SLC9C1: variants seen among roughly 807,000 people sequenced by gnomAD.
SLC9C1 encodes sodium/hydrogen exchanger 10.
In SLC9C1, 97 loss-of-function variants were observed where a neutral mutation model predicts 140.9. That is an observed-to-expected ratio of 0.69 (90% CI 0.58 to 0.82). The LOEUF is 0.82. Among genes scored for constraint, SLC9C1 ranks in the 40% least tolerant of loss-of-function variants. The probability of loss-of-function intolerance (pLI) is 0.00; values close to 1 mark genes in which losing one functional copy is unlikely to be tolerated. For synonymous variants in SLC9C1, 440 were observed against 442.6 expected (o/e 0.99, Z 0.07); for missense variants, 1,340 against 1,389.3 (o/e 0.96, Z 0.56).
chr3:112,171,260 C>G (rs749916405), intron 23 of SLC9C1, among the ~76,000 whole-genome samples: 2 of 151,956 alleles, frequency 1.3e-5, no homozygotes, highest in African/African-American at 2.4e-5. Context: ...AGTTGCTCCA[C>G]GTCCTTGCCA....
Position 112,285,721 on chromosome 3 carries a change from C to T in SLC9C1, c.88+983G>A, listed in dbSNP as rs559242963. On this transcript the variant is annotated intron_variant, in intron 2 of 28. Coordinates refer to ENST00000305815, the MANE Select transcript of SLC9C1 (RefSeq NM_183061.3). ...TAAATATGCACATCAAGTCTACAAACAGCTATATTTTTCCTTATGGTATTC... is the reference window on the plus strand; with the variant it reads ...TAAATATGCACATCAAGTCTACAAATAGCTATATTTTTCCTTATGGTATTC... Among the ~76,000 whole-genome samples, 7 of 152,234 alleles carry T rather than the reference C, an allele frequency of 4.6e-5. No individual in the cohort carries two copies. The South Asian group carries it at 1.2e-3, about 27-fold the overall frequency.
At chr3:112,174,256 C>T (rs1373421029) in intron 23 of SLC9C1, among the ~76,000 whole-genome samples, 2 of 152,224 alleles carry the variant, frequency 1.3e-5, no homozygotes, top group Non-Finnish European at 2.9e-5. Flanking sequence ...GGGGGCTCCA[C>T]CTCCATGAAA....
chr3:112,161,183 T>G (rs905346014), intron 26 of SLC9C1, among the ~76,000 whole-genome samples: 16 of 152,196 alleles, frequency 1.1e-4, no homozygotes, highest in Non-Finnish European at 1.9e-4. Flanking sequence ...CTTTGTCAGA[T>G]GAGTAGGTTG....
At position 112,151,957 on chromosome 3, in the gene SLC9C1, C is replaced by T; in HGVS notation, c.3424G>A (p.Ala1142Thr). Residue 1142 changes from alanine to threonine, a missense_variant, in exon 28 of 29, where the codon GCA becomes ACA. By Grantham distance (58) the Ala-to-Thr change is moderately conservative. Transcript: ENST00000305815. ...CTCCTGGCAGTGGCGGCACTGTGTG[C>T]TCCATCCTGGGATTCAAAACACTTT... ...QEERNVKEDG[A>T]HSAATARSPQ... 6.3e-7 allele frequency: 1 copy of T among 1,589,650 alleles called. No individual in the cohort carries two copies. Among genetic ancestry groups the T allele is most frequent in the Non-Finnish European group, 8.5e-7 (1 of 1,173,358 alleles).
chr3:112,165,937 C>T (rs916417739), intron 26 of SLC9C1, among the ~76,000 whole-genome samples: 6 of 152,208 alleles, frequency 3.9e-5, no homozygotes, highest in Non-Finnish European at 5.9e-5. Flanking sequence ...TCTTCCTGGC[C>T]GCTTTGTTTA....
chr3:112,264,624 G>A (rs995809933), intron 8 of SLC9C1, among the ~76,000 whole-genome samples: 8 of 151,966 alleles, frequency 5.3e-5, no homozygotes, highest in South Asian at 4.1e-4. Context: ...TTGCAGAATC[G>A]TGAGAATTTA....
intron 20 of SLC9C1, among the ~76,000 whole-genome samples, chr3:112,196,585 T>C (rs2077773089): frequency 6.6e-6 from 1 of 152,146 alleles, no homozygotes; most frequent in South Asian, 2.1e-4. Context: ...ATCTTTCTGT[T>C]CCTCAGACAT....
intron 26 of SLC9C1, among the ~76,000 whole-genome samples, chr3:112,163,447 G>A (rs1257812344): frequency 1.1e-4 from 16 of 149,952 alleles, no homozygotes; most frequent in East Asian, 2.0e-4. Context: ...CTTTGAATGC[G>A]TCCCAGAGAT....
At chr3:112,185,383 G>A in intron 20 of SLC9C1, 2 of 774,536 alleles carry the variant, frequency 2.6e-6, no homozygotes, top group East Asian at 2.7e-5. Flanking sequence ...TCATCGGCCT[G>A]CGATGGGGAT....
chr3:112,192,401 A>T (rs1168481362), intron 20 of SLC9C1, among the ~76,000 whole-genome samples: 1 of 152,190 alleles, frequency 6.6e-6, no homozygotes, highest in Non-Finnish European at 1.5e-5. Flanking sequence ...AGTCATCAAG[A>T]TTCATCTATA....
intron 10 of SLC9C1, among the ~76,000 whole-genome samples, chr3:112,255,203 A>C (rs572506665): frequency 6.6e-6 from 1 of 152,320 alleles, no homozygotes; most frequent in South Asian, 2.1e-4. Flanking sequence ...AAAGATATTC[A>C]GGATCTGAAC....
At chr3:112,182,089 G>A in intron 21 of SLC9C1, 44 bp downstream of exon 21, 1 of 1,278,618 alleles carries the variant, frequency 7.8e-7, no homozygotes, top group Non-Finnish European at 1.0e-6. Flanking sequence ...AAGATTATTT[G>A]TTAGTACATT....
At chr3:112,192,562 T>C (rs2077685876) in intron 20 of SLC9C1, among the ~76,000 whole-genome samples, 1 of 152,180 alleles carries the variant, frequency 6.6e-6, no homozygotes, top group Non-Finnish European at 1.5e-5. Flanking sequence ...TTTTGTTTTT[T>C]TCTTTCTTTT....
intron 7 of SLC9C1, among the ~76,000 whole-genome samples, chr3:112,268,682 G>A (rs938341035): frequency 1.3e-5 from 2 of 152,100 alleles, no homozygotes; most frequent in Non-Finnish European, 2.9e-5. Context: ...ATAAAATGTC[G>A]TGATTAATCT....
chr3:112,214,971 G>A (rs1206815146), intron 15 of SLC9C1, among the ~76,000 whole-genome samples: 4 of 152,152 alleles, frequency 2.6e-5, no homozygotes, highest in Admixed American at 2.6e-4. Context: ...TAAAATACTG[G>A]CAAACCGAAT....
intron 11 of SLC9C1, among the ~76,000 whole-genome samples, chr3:112,241,209 T>C (rs1217046824): frequency 6.6e-6 from 1 of 152,214 alleles, no homozygotes; most frequent in Admixed American, 6.5e-5. Flanking sequence ...AAAGGGTAAA[T>C]GCCTGAAGGG....
chr3:112,278,598 G>T, intron 4 of SLC9C1, 131 bp downstream of exon 4: 2 of 925,546 alleles, frequency 2.2e-6, no homozygotes, highest in Non-Finnish European at 3.0e-6. Context: ...AAATGATGAA[G>T]CTGAATTTAT....
chr3:112,184,935 C>T (rs1360329260), intron 20 of SLC9C1, among the ~76,000 whole-genome samples: 1 of 152,074 alleles, frequency 6.6e-6, no homozygotes, highest in African/African-American at 2.4e-5. Flanking sequence ...TGACCTACCA[C>T]TTGGTGTGTG....
chr3:112,249,571 T>G (rs2079389944), intron 10 of SLC9C1, among the ~76,000 whole-genome samples: 1 of 152,058 alleles, frequency 6.6e-6, no homozygotes, highest in Admixed American at 6.6e-5. Context: ...TGAATTTGTT[T>G]GGGCTTTTTC....
Sources: allele counts gnomAD v4.1 joint callset (sites outside exome capture counted in the v4.1 genomes callset), GRCh38; gene constraint gnomAD v4.1.1; transcripts MANE v1.5; gene names NCBI Gene and HGNC (gene_info 2026-07-23, HGNC 2026-07-21).